The following ANK1 variants were observed in gnomAD, a reference collection of about 807,000 sequenced individuals.
ANK1 encodes the protein ankyrin-1.
In ANK1, 51 loss-of-function variants were observed where a neutral mutation model predicts 210.4. The observed-to-expected ratio is 0.24, with a 90% confidence interval of 0.19 to 0.31. ANK1 has a LOEUF of 0.31. Ranked by LOEUF, ANK1 falls within the 10% of genes least tolerant of loss-of-function variation. The probability of loss-of-function intolerance (pLI) is 1.00; values close to 1 mark genes in which losing one functional copy is unlikely to be tolerated. For missense variants in ANK1, 2,051 were observed against 2,504.4 expected, an observed-to-expected ratio of 0.82 and a Z score of 3.86; for synonymous variants, 967 against 1,025.9, an observed-to-expected ratio of 0.94 and a Z score of 1.10.
intron 33 of ANK1, among the ~76,000 whole-genome samples, chr8:41,689,278 A>G (rs1037582244): frequency 6.8e-6 from 1 of 147,306 alleles, no homozygotes; most frequent in African/African-American, 2.5e-5. Context: ...GCATGCCACC[A>G]TGCCCAGCTA....
chr8:41,665,005 G>A, intron 39 of ANK1: 1 of 1,613,956 alleles, frequency 6.2e-7, no homozygotes, highest in Non-Finnish European at 8.5e-7. Context: ...ACCAACAGCT[G>A]GGTGACGAAA....
chr8:41,658,663 A>C (rs1806616534), intron 42 of ANK1, among the ~76,000 whole-genome samples: 1 of 152,010 alleles, frequency 6.6e-6, no homozygotes, highest in African/African-American at 2.4e-5. Flanking sequence ...GAGGCTGAGG[A>C]GGGCGGGTTG....
chr8:41,732,956 T>G (rs1832590932), intron 3 of ANK1, among the ~76,000 whole-genome samples: 1 of 152,044 alleles, frequency 6.6e-6, no homozygotes, highest in East Asian at 1.9e-4. Flanking sequence ...CAAGCTGGTC[T>G]CAAACTCCTG....
chr8:41,874,884 G>A (rs1424003557), intron 1 of ANK1, among the ~76,000 whole-genome samples: 1 of 152,202 alleles, frequency 6.6e-6, no homozygotes, highest in African/African-American at 2.4e-5. Flanking sequence ...CCACCATCAC[G>A]ACTGACCCTC....
intron 1 of ANK1, among the ~76,000 whole-genome samples, chr8:41,838,525 G>T (rs938771584): frequency 3.3e-5 from 5 of 152,172 alleles, no homozygotes; most frequent in Admixed American, 1.3e-4. Context: ...CAGCACTTTG[G>T]GAGGCCGAGG....
chr8:41,686,273 C>T lies in ANK1; in HGVS notation c.4269G>A (p.Arg1423=), dbSNP rs1450554129. Residue 1423 remains arginine, a synonymous_variant, in exon 36 of 43, where the codon CGG becomes CGA. Coordinates refer to ENST00000289734, the MANE Select transcript of ANK1 (RefSeq NM_000037.4). The part of the protein sequence containing the change: ...HLGLSWAELA[R]ELQFSVEDIN... ...TGTCTTCCACACTGAACTGCAGCTC[C>T]CGGGCCAACTCTGCAAGCAAAGAAC... 4 of 1,613,732 alleles carry T rather than the reference C, an allele frequency of 2.5e-6. No homozygotes were observed. The South Asian group carries it at 3.3e-5, about 13-fold the overall frequency.
chr8:41,718,887 C>A (rs1369785450), intron 10 of ANK1, among the ~76,000 whole-genome samples: 4 of 152,214 alleles, frequency 2.6e-5, no homozygotes, highest in Admixed American at 2.6e-4. Context: ...CAAATATCGA[C>A]CCCAAATGTC....
At chr8:41,661,051 CT>C (rs1311422888) in intron 42 of ANK1, 11 of 209,298 alleles carry the variant, frequency 5.3e-5, no homozygotes, top group South Asian at 2.1e-4. Context: ...TTTTTTTTTT[CT>C]TTTTTTTGTG....
chr8:41,672,945 G>A (rs1812898374), intron 37 of ANK1, 33 bp from the exon 38 acceptor site: 11 of 1,571,170 alleles, frequency 7.0e-6, no homozygotes, highest in Non-Finnish European at 8.6e-6. Flanking sequence ...ACATGCTCCA[G>A]CAGTGATTCC....
chr8:41,693,089 G>A lies in ANK1; in HGVS notation c.3629+16C>T, dbSNP rs772586355. ...GACGGCCCACACAATACTGGGCTGG[G>A]CTGGCCTCGTCTCACCTGGCAGAGA... On this transcript the variant is annotated intron_variant, in intron 30 of 42. Transcript: ENST00000289734. The A allele has an allele frequency of 5.6e-5, 89 of 1,592,156 alleles. No individual in the cohort carries two copies. Among genetic ancestry groups the A allele is most frequent in the Non-Finnish European group, 7.2e-5 (84 of 1,160,180 alleles).
chr8:41,669,893 G>T (rs2150558838), intron 38 of ANK1, among the ~76,000 whole-genome samples: 1 of 152,180 alleles, frequency 6.6e-6, no homozygotes, highest in Admixed American at 6.5e-5. Context: ...TGGTTACTCT[G>T]TTAGGGCACG....
At chr8:41,664,722 G>T in intron 39 of ANK1, 1 of 1,381,892 alleles carries the variant, frequency 7.2e-7, no homozygotes, top group South Asian at 1.2e-5. Context: ...TCTGGGTCCG[G>T]AGCTCCCCAC....
In ANK1 at chr8:41,879,166, C is replaced by T. The variant is rs1587586946; in HGVS notation, c.126+17189G>A. Reference sequence around the variant, plus strand: ...GCCATAGAGAAATCAGACATGTGTTCCTGTCCCAGCTCTGCCTCTAGAGAG... The same window carrying T: ...GCCATAGAGAAATCAGACATGTGTTTCTGTCCCAGCTCTGCCTCTAGAGAG... On this transcript the variant is annotated intron_variant, in intron 1 of 42. Transcript: ENST00000265709. Among the ~76,000 whole-genome samples the T allele has an allele frequency of 2.0e-5, 3 of 152,154 alleles. 1 individual carries two copies. The highest frequency in any genetic ancestry group is 1.9e-4 in the East Asian group (1 of 5,192).
At chr8:41,890,750 A>T (rs1275884838) in intron 1 of ANK1, among the ~76,000 whole-genome samples, 1 of 151,852 alleles carries the variant, frequency 6.6e-6, no homozygotes, top group Admixed American at 6.6e-5. Flanking sequence ...AGAAAAGAAG[A>T]AAAAAACAGT....
intron 1 of ANK1, among the ~76,000 whole-genome samples, chr8:41,818,621 C>T (rs910213000): frequency 3.3e-5 from 5 of 151,862 alleles, no homozygotes; most frequent in Non-Finnish European, 5.9e-5. Context: ...CTTTCTTTCT[C>T]TCTCTCTTTT....
intron 38 of ANK1, among the ~76,000 whole-genome samples, chr8:41,671,917 A>T (rs1373558155): frequency 7.1e-6 from 1 of 140,130 alleles, no homozygotes; most frequent in African/African-American, 2.8e-5. Context: ...GTCCTAAGTG[A>T]GCCCTCCCAG....
chr8:41,668,242 C>T (rs1811174670), intron 39 of ANK1, 25 bp downstream of exon 39: 2 of 1,613,942 alleles, frequency 1.2e-6, no homozygotes, highest in Non-Finnish European at 1.7e-6. Flanking sequence ...GGAACAGCAG[C>T]ACGCAGCTCC....
Position 41,715,751 on chromosome 8 carries a change from G to A in ANK1, c.1503C>T (p.Thr501=), listed in dbSNP as rs145793923. Residue 501 remains threonine, a synonymous_variant, in exon 14 of 43, where the codon ACC becomes ACT. Coordinates refer to ENST00000289734, the MANE Select transcript of ANK1 (RefSeq NM_000037.4). ...CAATGTGCAGGGGGGTGTGCCCGGC[G>A]GTGGTGGCCAGGTTGGGGTTGGCGT... The part of the protein sequence containing the change: ...ENNANPNLAT[T]AGHTPLHIAA... The A allele has an allele frequency of 7.0e-4, 1,130 of 1,614,126 alleles. 2 individuals carry two copies. The highest frequency in any genetic ancestry group is 9.2e-4 in the Non-Finnish European group (1,085 of 1,180,054).
chr8:41,765,103 CTCCTTCCT>C, intron 1 of ANK1, among the ~76,000 whole-genome samples: 1 of 150,394 alleles, frequency 6.6e-6, no homozygotes, highest in African/African-American at 2.4e-5. Flanking sequence ...GCCTCCTTCC[CTCCTTCCT>C]TCCTTCTCTT....
Sources: allele counts gnomAD v4.1 joint callset (sites outside exome capture counted in the v4.1 genomes callset), GRCh38; gene constraint gnomAD v4.1.1; transcripts MANE v1.5; gene names NCBI Gene and HGNC (gene_info 2026-07-23, HGNC 2026-07-21).